Variants in ACVR1C observed in about 807,000 individuals in gnomAD.
ACVR1C encodes the protein activin receptor type-1C.
Under a neutral mutation model 57.9 loss-of-function variants are expected in ACVR1C, and 23 were observed. The ratio of observed to expected loss-of-function variants is 0.40; its 90% confidence interval spans 0.29 to 0.56. The LOEUF is 0.56. ACVR1C is among the 20% of genes least tolerant of loss of function. The pLI, the probability that ACVR1C is intolerant of heterozygous loss-of-function variation, is 0.50. For synonymous variants in ACVR1C, 214 were observed against 215.3 expected (o/e 0.99, Z 0.05); for missense variants, 480 against 607.9 (o/e 0.79, Z 2.21).
intron 1 of ACVR1C, among the ~76,000 whole-genome samples, chr2:157,611,929 G>T (rs573156110): frequency 3.3e-4 from 51 of 152,282 alleles, no homozygotes; most frequent in African/African-American, 7.0e-4. Context: ...GTGGTGAAGG[G>T]TGTGGAGAAC....
chr2:157,543,251 T>C (rs561513846), intron 5 of ACVR1C, among the ~76,000 whole-genome samples: 8 of 152,350 alleles, frequency 5.3e-5, no homozygotes, highest in African/African-American at 1.9e-4. Context: ...TTCTCAATTG[T>C]AGCCAAAAGA....
intron 1 of ACVR1C, among the ~76,000 whole-genome samples, chr2:157,623,104 A>G (rs1454215102): frequency 6.6e-6 from 1 of 152,218 alleles, no homozygotes; most frequent in East Asian, 1.9e-4. Flanking sequence ...AAGACAGGCA[A>G]TAATGAATGC....
chr2:157,558,955 T>G (rs1688172502), intron 2 of ACVR1C, among the ~76,000 whole-genome samples: 1 of 152,192 alleles, frequency 6.6e-6, no homozygotes, highest in Non-Finnish European at 1.5e-5. Context: ...TTAAAATGTG[T>G]TTTTAAATAC....
chr2:157,577,981 C>T (rs1160469783), intron 2 of ACVR1C, among the ~76,000 whole-genome samples: 1 of 152,160 alleles, frequency 6.6e-6, no homozygotes, highest in African/African-American at 2.4e-5. Context: ...CGGCTCACTG[C>T]ATCCTTGACT....
At chr2:157,597,214 T>C in intron 1 of ACVR1C, 1 of 438,796 alleles carries the variant, frequency 2.3e-6, no homozygotes, top group South Asian at 9.6e-5. Flanking sequence ...GACGCGGCCC[T>C]GCATGTGCAT....
intron 3 of ACVR1C, among the ~76,000 whole-genome samples, chr2:157,554,299 A>G (rs529158853): frequency 3.0e-4 from 40 of 134,952 alleles, no homozygotes; most frequent in African/African-American, 9.6e-4. Flanking sequence ...GAGAGAGAGA[A>G]AGAAAGAAAG....
chr2:157,567,560 G>A (rs1391228350), intron 2 of ACVR1C, among the ~76,000 whole-genome samples: 2 of 20,622 alleles, frequency 9.7e-5, no homozygotes, highest in Non-Finnish European at 1.9e-4. Flanking sequence ...CGAGAACTAC[G>A]TGAAGAATGC....
intron 1 of ACVR1C, among the ~76,000 whole-genome samples, chr2:157,621,252 GA>G (rs1469603082): frequency 2.0e-5 from 3 of 152,018 alleles, no homozygotes. Context: ...TATTCTAGAG[GA>G]AAAAAAGTGA....
chr2:157,624,457 A>T (rs1345203898), intron 1 of ACVR1C, among the ~76,000 whole-genome samples: 2 of 152,260 alleles, frequency 1.3e-5, no homozygotes, highest in Non-Finnish European at 2.9e-5. Flanking sequence ...TCAAAAGGAA[A>T]CTACTCCAAA....
chr2:157,561,259 T>A (rs902832199), intron 2 of ACVR1C, among the ~76,000 whole-genome samples: 3 of 152,228 alleles, frequency 2.0e-5, no homozygotes, highest in Admixed American at 6.5e-5. Context: ...GAGGTATAAC[T>A]ATTAATATCA....
At chr2:157,599,095 G>A (rs967252096) in intron 1 of ACVR1C, among the ~76,000 whole-genome samples, 1 of 151,922 alleles carries the variant, frequency 6.6e-6, no homozygotes, top group African/African-American at 2.4e-5. Context: ...AGCACTTTGG[G>A]AGGACGAGGC....
intron 2 of ACVR1C, among the ~76,000 whole-genome samples, chr2:157,556,657 C>CTTTTTTTTTTTTTTTTTTTTTTTTT (rs1169628343): frequency 1.1e-5 from 1 of 87,870 alleles, no homozygotes. Context: ...CAGCAGTACA[C>CTTTTTTTTTTTTTTTTTTTTTTTTT]TTTTTTTTTT....
At chr2:157,535,568 C>T (rs1244804711) in intron 8 of ACVR1C, among the ~76,000 whole-genome samples, 1 of 152,058 alleles carries the variant, frequency 6.6e-6, no homozygotes, top group African/African-American at 2.4e-5. Flanking sequence ...TGGCTCACAC[C>T]TGTAATTCCA....
intron 1 of ACVR1C, among the ~76,000 whole-genome samples, chr2:157,627,540 T>G (rs1021416249): frequency 2.6e-5 from 4 of 152,220 alleles, no homozygotes; most frequent in Non-Finnish European, 4.4e-5. Flanking sequence ...ATCATTCAAA[T>G]CATTCTCTTG....
intron 3 of ACVR1C, among the ~76,000 whole-genome samples, chr2:157,554,201 G>GAAAGAAAGAAAGAA (rs1388320584): frequency 2.4e-5 from 1 of 41,440 alleles, no homozygotes; most frequent in Non-Finnish European, 3.9e-5. Flanking sequence ...ATAAAGAAGA[G>GAAAGAAAGAAAGAA]AGAAAGAAAG....
chr2:157,628,465 A>G, intron 1 of ACVR1C, 107 bp downstream of exon 1: 2 of 1,286,528 alleles, frequency 1.6e-6, no homozygotes, highest in East Asian at 2.6e-5. Context: ...TCCGCCCCGA[A>G]GGTCAGTTTG....
intron 3 of ACVR1C, among the ~76,000 whole-genome samples, chr2:157,554,201 G>GAGAGAGAGAGAGAGAAAGAAAGAA (rs1553481316): frequency 2.4e-5 from 1 of 41,440 alleles, no homozygotes; most frequent in African/African-American, 1.4e-4. Context: ...ATAAAGAAGA[G>GAGAGAGAGAGAGAGAAAGAAAGAA]AGAAAGAAAG....
Position 157,532,380 on chromosome 2 carries a change from T to TG in ACVR1C, c.*1537_*1538insC, listed in dbSNP as rs1558965376. 2 of 151,816 alleles carry TG rather than the reference T, an allele frequency of 1.3e-5. No homozygotes were observed. The highest frequency in any genetic ancestry group is 4.8e-5 in the African/African-American group (2 of 41,332). 9.4% of individuals were successfully genotyped at this position (151,816 alleles called of 1,614,324 possible). A position where few individuals can be genotyped will look rare whatever the true frequency, so the allele number is the denominator to read the frequency against. On this transcript the variant is annotated 3_prime_UTR_variant, in exon 9 of 9. Transcript: ENST00000243349. ...ATTTCTTTACTGTTATTAGTTTTTTTTTTTTTTTTTACTGTTATCAATAGC... is the reference window on the plus strand; with the variant it reads ...ATTTCTTTACTGTTATTAGTTTTTTTGTTTTTTTTTTACTGTTATCAATAGC...
chr2:157,544,694 C>A, intron 4 of ACVR1C, 82 bp from the exon 5 acceptor site: 1 of 1,247,976 alleles, frequency 8.0e-7, no homozygotes, highest in Non-Finnish European at 1.1e-6. Flanking sequence ...AGTGTTTAAT[C>A]TGTATTGTTA....
Sources: gnomAD v4.1 joint callset for allele counts (sites outside exome capture counted in the v4.1 genomes callset) on GRCh38, gnomAD v4.1.1 for gene constraint, MANE v1.5 for transcripts, NCBI Gene and HGNC (gene_info 2026-07-23, HGNC 2026-07-21) for gene names.